The following TUSC3 variants were observed in gnomAD, a reference collection of about 807,000 sequenced individuals.
The protein encoded by TUSC3 is tumor suppressor candidate 3.
In TUSC3, 45 loss-of-function variants were observed where a neutral mutation model predicts 44.8. That is an observed-to-expected ratio of 1.00 (90% CI 0.79 to 1.29). The LOEUF is 1.29. TUSC3 is among the 50% of genes most tolerant of loss of function. The pLI is 0.00. For synonymous variants in TUSC3, 212 were observed against 152.9 expected, an observed-to-expected ratio of 1.39 and a Z score of -2.85; for missense variants, 519 against 437.9, an observed-to-expected ratio of 1.19 and a Z score of -1.65.
intron 6 of TUSC3, among the ~76,000 whole-genome samples, chr8:15,728,965 G>C (rs1338164973): frequency 6.6e-6 from 1 of 152,090 alleles, no homozygotes; most frequent in Non-Finnish European, 1.5e-5. Flanking sequence ...ATTAAGGCCA[G>C]GAACATTGAG....
At chr8:15,459,927 C>T (rs1800321959) in intron 1 of TUSC3, among the ~76,000 whole-genome samples, 1 of 151,902 alleles carries the variant, frequency 6.6e-6, no homozygotes. Flanking sequence ...TTTCTTTATC[C>T]ACTCATTGAT....
the TUSC3 span, among the ~76,000 whole-genome samples, chr8:15,846,064 C>G: frequency 6.6e-6 from 1 of 152,054 alleles, no homozygotes; most frequent in African/African-American, 2.4e-5. Context: ...TTCACTATCA[C>G]AAGAATAGCA....
intron 8 of TUSC3, among the ~76,000 whole-genome samples, chr8:15,743,842 G>A (rs1018571715): frequency 3.3e-5 from 5 of 152,172 alleles, no homozygotes; most frequent in African/African-American, 7.2e-5. Context: ...AAGTGGAGCT[G>A]TCCTTCACCC....
Position 15,602,696 on chromosome 8 carries a change from GTA to G in TUSC3, c.139-20378_139-20377del, listed in dbSNP as rs199725916. Reference sequence around the variant, plus strand: ...TGTGTGTGTGTGTGTGTGTGTGTGTGTATATATGTGTATGTATACGTGTGTAT... The same window carrying G: ...TGTGTGTGTGTGTGTGTGTGTGTGTGTATATGTGTATGTATACGTGTGTAT... On this transcript the variant is annotated intron_variant, in intron 1 of 10. Coordinates refer to ENST00000503731, the MANE Select transcript of TUSC3 (RefSeq NM_006765.4). Among the ~76,000 whole-genome samples the G allele has an allele frequency of 1.8e-3, 256 of 143,084 alleles. 2 individuals are homozygous for G. The highest frequency in any genetic ancestry group is 9.7e-3 in the East Asian group (48 of 4,934). The allele number at this position is 143,084 out of a possible 152,430, so 93.9% of individuals were successfully genotyped here.
the TUSC3 span, among the ~76,000 whole-genome samples, chr8:15,851,577 C>T: frequency 5.3e-5 from 8 of 152,170 alleles, no homozygotes; most frequent in Admixed American, 2.6e-4. Flanking sequence ...ACATGGGACA[C>T]GTGAGCGTCA....
intron 2 of TUSC3, among the ~76,000 whole-genome samples, chr8:15,509,898 A>C (rs1801108666): frequency 6.6e-6 from 1 of 152,164 alleles, no homozygotes; most frequent in Non-Finnish European, 1.5e-5. Context: ...CCAGTTATCT[A>C]ATGCTTACCA....
intron 1 of TUSC3, among the ~76,000 whole-genome samples, chr8:15,553,500 G>C (rs1802128195): frequency 1.0e-5 from 1 of 97,856 alleles, no homozygotes; most frequent in South Asian, 3.5e-4. Flanking sequence ...TGCTGGAGGA[G>C]CTTACAAGGA....
At chr8:15,497,724 C>A in intron 2 of TUSC3, among the ~76,000 whole-genome samples, 1 of 145,508 alleles carries the variant, frequency 6.9e-6, no homozygotes, top group Non-Finnish European at 1.5e-5. Flanking sequence ...CTTTCTTTTT[C>A]TTTGTTTCTT....
intron 10 of TUSC3, among the ~76,000 whole-genome samples, chr8:15,762,292 A>C (rs1032577858): frequency 1.3e-5 from 2 of 152,182 alleles, no homozygotes; most frequent in East Asian, 3.9e-4. Context: ...ACAATAAAGG[A>C]TACATCTAAC....
chr8:15,472,062 A>G (rs1800500965), intron 1 of TUSC3, among the ~76,000 whole-genome samples: 2 of 152,248 alleles, frequency 1.3e-5, no homozygotes, highest in African/African-American at 4.8e-5. Flanking sequence ...TAATTTTTCA[A>G]AAATATATGT....
rs573541317 is a variant in TUSC3 at position 15,579,130 on chromosome 8, T to A, written c.138+38562T>A. Among the ~76,000 whole-genome samples the A allele has an allele frequency of 1.7e-3, 245 of 147,346 alleles. 5 individuals carry two copies. In the Middle Eastern group the frequency reaches 0.024, roughly 14 times the overall value. The stretch of plus-strand genomic sequence containing the variant: ...GAGGTGTTTGTAGTATTCTCTGATA[T>A]TAGTTTGTATTTCTGTGGGATTGGT... On this transcript the variant is annotated intron_variant, in intron 1 of 10. Transcript: ENST00000503731.
chr8:15,735,702 A>G (rs1810898770), intron 7 of TUSC3, among the ~76,000 whole-genome samples: 2 of 151,870 alleles, frequency 1.3e-5, no homozygotes, highest in South Asian at 4.2e-4. Context: ...TTTATTTTTT[A>G]TTTTTATTTT....
At chr8:15,736,990 A>G (rs1007708750) in intron 7 of TUSC3, among the ~76,000 whole-genome samples, 19 of 152,170 alleles carry the variant, frequency 1.2e-4, no homozygotes, top group African/African-American at 4.6e-4. Context: ...AATTATTTAT[A>G]TAAAAGTAAA....
intron 1 of TUSC3, among the ~76,000 whole-genome samples, chr8:15,601,590 A>T (rs1804289369): frequency 6.6e-6 from 1 of 151,680 alleles, no homozygotes; most frequent in Non-Finnish European, 1.5e-5. Flanking sequence ...TTCCATAATT[A>T]TTTATATTTA....
At chr8:15,611,861 C>T (rs1804775906) in intron 1 of TUSC3, among the ~76,000 whole-genome samples, 1 of 152,088 alleles carries the variant, frequency 6.6e-6, no homozygotes, top group African/African-American at 2.4e-5. Context: ...AATATGAATA[C>T]AGATTTTTAA....
At chr8:15,701,880 T>G (rs1327510873) in intron 6 of TUSC3, among the ~76,000 whole-genome samples, 1 of 152,174 alleles carries the variant, frequency 6.6e-6, no homozygotes, top group East Asian at 1.9e-4. Context: ...CTGTGAGAAT[T>G]TCTTGAAGCA....
chr8:15,819,779 A>C, the TUSC3 span, among the ~76,000 whole-genome samples: 2,250 of 152,346 alleles, frequency 0.015, 36 homozygotes, highest in South Asian at 0.057. Context: ...ATGCTCTTCA[A>C]ATTCAGAACT....
chr8:15,542,349 A>G (rs957215122), intron 1 of TUSC3, among the ~76,000 whole-genome samples: 3 of 152,228 alleles, frequency 2.0e-5, no homozygotes, highest in East Asian at 3.9e-4. Context: ...GTTTCTTATC[A>G]GACCTAAGGT....
chr8:15,791,612 G>A, the TUSC3 span, among the ~76,000 whole-genome samples: 7 of 151,914 alleles, frequency 4.6e-5, no homozygotes, highest in African/African-American at 1.2e-4. Context: ...ATTTTCTCCC[G>A]GTAAGTTTCA....
Sources: allele counts gnomAD v4.1 joint callset (sites outside exome capture counted in the v4.1 genomes callset), GRCh38; gene constraint gnomAD v4.1.1; transcripts MANE v1.5; gene names NCBI Gene and HGNC (gene_info 2026-07-23, HGNC 2026-07-21).